Variants in EPHA7 observed in about 807,000 individuals in gnomAD.
EPHA7 encodes the protein EPH receptor A7.
Under a neutral mutation model 112.6 loss-of-function variants are expected in EPHA7, and 25 were observed. The ratio of observed to expected loss-of-function variants is 0.22; its 90% CI spans 0.16 to 0.31. The LOEUF is 0.31. EPHA7 is among the 10% of genes least tolerant of loss of function. EPHA7 has a pLI of 1.00. For missense variants in EPHA7, 962 were observed against 1,212.6 expected, an observed-to-expected ratio of 0.79 and a Z score of 3.07; for synonymous variants, 437 against 406.5, an observed-to-expected ratio of 1.07 and a Z score of -0.90.
Position 93,243,359 on chromosome 6 carries a change from G to T in EPHA7, c.*67C>A. ...CACTTGTCTTCTAGCAGCATTCTAT[G>T]CATATACTGAAGGCCAGTACTGTTC... On this transcript the variant is annotated 3_prime_UTR_variant, in exon 17 of 17. Coordinates refer to ENST00000369303, the MANE Select transcript of EPHA7 (RefSeq NM_004440.4). The T allele has an allele frequency of 8.6e-7, 1 of 1,169,588 alleles. No individual in the cohort carries two copies. Among genetic ancestry groups the T allele is most frequent in the Non-Finnish European group, 1.3e-6 (1 of 784,264 alleles). 72.5% of individuals were successfully genotyped at this position (1,169,588 alleles called of 1,614,324 possible).
intron 14 of EPHA7, 57 bp from the exon 15 acceptor site, chr6:93,247,042 C>T (rs1056681731): frequency 7.0e-7 from 1 of 1,425,666 alleles, no homozygotes; most frequent in Non-Finnish European, 9.5e-7. Context: ...TATAATAAAC[C>T]AAATTTCCTG....
Position 93,351,538 on chromosome 6 carries a change from G to C in EPHA7, c.1324+5179C>G, listed in dbSNP as rs192519283. ...GTTATCACTCTCATTAAGAACTGTA[G>C]TATATGTACAGTATCACTCACCTAT... On this transcript the variant is annotated intron_variant, in intron 5 of 16. Coordinates refer to ENST00000369303, the MANE Select transcript of EPHA7 (RefSeq NM_004440.4). Among the ~76,000 whole-genome samples, 5 of 152,028 alleles carry C rather than the reference G, an allele frequency of 3.3e-5. No homozygotes were observed. In the East Asian group the frequency reaches 9.7e-4, roughly 29 times the overall value.
At chr6:93,290,521 C>T (rs1349099714) in intron 5 of EPHA7, among the ~76,000 whole-genome samples, 1 of 151,928 alleles carries the variant, frequency 6.6e-6, no homozygotes, top group African/African-American at 2.4e-5. Flanking sequence ...TTCAGAGAGA[C>T]TGGAATTAGT....
chr6:93,302,513 T>C (rs1773038857), intron 5 of EPHA7, among the ~76,000 whole-genome samples: 1 of 152,176 alleles, frequency 6.6e-6, no homozygotes, highest in Non-Finnish European at 1.5e-5. Flanking sequence ...TCACTCCCTC[T>C]GGTACCTGGA....
chr6:93,375,476 A>T (rs1777010123), intron 3 of EPHA7, among the ~76,000 whole-genome samples: 1 of 151,744 alleles, frequency 6.6e-6, no homozygotes, highest in Non-Finnish European at 1.5e-5. Flanking sequence ...TAAAAAAAAT[A>T]GTGAGATGGC....
Position 93,255,937 on chromosome 6 carries a change from T to A in EPHA7, c.2273A>T (p.Asp758Val). ...YLADMGYVHR[D>V]LAARNILVNS... is the part of the protein sequence containing the mutation. Reference sequence around the variant, plus strand: ...GACAAGAATATTGCGAGCTGCAAGGTCCCTGTGAACATATCCCATATCAGC... The same window carrying A: ...GACAAGAATATTGCGAGCTGCAAGGACCCTGTGAACATATCCCATATCAGC... The change falls in exon 13 of 17, where the codon GAC becomes GTC. Residue 758 changes from aspartate to valine, a missense_variant. Asp to Val is a radical substitution (Grantham distance 152). Transcript: ENST00000369303. The A allele has an allele frequency of 1.9e-6, 3 of 1,614,034 alleles. No homozygotes were observed. In the South Asian group the frequency reaches 3.3e-5, roughly 18 times the overall value.
At chr6:93,395,686 A>C (rs929096260) in intron 3 of EPHA7, among the ~76,000 whole-genome samples, 1 of 151,624 alleles carries the variant, frequency 6.6e-6, no homozygotes, top group African/African-American at 2.4e-5. Context: ...TTCATTTGCT[A>C]TGCATAAGGT....
chr6:93,387,543 C>T (rs1472301128), intron 3 of EPHA7, among the ~76,000 whole-genome samples: 1 of 152,058 alleles, frequency 6.6e-6, no homozygotes, highest in Non-Finnish European at 1.5e-5. Context: ...CTACCTGATA[C>T]CAACTGACTG....
chr6:93,372,454 T>C (rs1410807891), intron 3 of EPHA7, among the ~76,000 whole-genome samples: 2 of 152,118 alleles, frequency 1.3e-5, no homozygotes, highest in African/African-American at 4.8e-5. Context: ...AATCTTCTCA[T>C]GCTACAGATG....
chr6:93,266,439 A>G (rs531931183), intron 7 of EPHA7, among the ~76,000 whole-genome samples: 11 of 151,822 alleles, frequency 7.2e-5, no homozygotes, highest in Non-Finnish European at 1.3e-4. Context: ...ATTTATTTAT[A>G]CATTTTTGTA....
chr6:93,342,211 G>A (rs1775172861), intron 5 of EPHA7, among the ~76,000 whole-genome samples: 1 of 151,888 alleles, frequency 6.6e-6, no homozygotes, highest in Non-Finnish European at 1.5e-5. Context: ...AGGTTAACTT[G>A]AAGCAAGTCT....
chr6:93,314,582 T>C (rs1474080371), intron 5 of EPHA7, among the ~76,000 whole-genome samples: 12 of 152,148 alleles, frequency 7.9e-5, no homozygotes, highest in Admixed American at 7.2e-4. Flanking sequence ...AGACAGGACC[T>C]ACAACGATGA....
chr6:93,390,266 T>C (rs1370003909), intron 3 of EPHA7, among the ~76,000 whole-genome samples: 1 of 151,158 alleles, frequency 6.6e-6, no homozygotes, highest in African/African-American at 2.4e-5. Context: ...AATGAAAGTT[T>C]CAAATTACAA....
At chr6:93,259,621 T>TGAAGTAGTCTGTTAA in intron 9 of EPHA7, 142 bp from the exon 10 acceptor site, 3 of 919,588 alleles carry the variant, frequency 3.3e-6, no homozygotes, top group Non-Finnish European at 5.0e-6. Context: ...TTTAACAGAC[T>TGAAGTAGTCTGTTAA]ACTTCAGTCT....
chr6:93,375,562 G>C (rs944251248), intron 3 of EPHA7, among the ~76,000 whole-genome samples: 4 of 151,116 alleles, frequency 2.6e-5, no homozygotes, highest in Non-Finnish European at 5.9e-5. Context: ...AAGTTACAGT[G>C]AGCCTAGCAG....
intron 3 of EPHA7, among the ~76,000 whole-genome samples, chr6:93,404,538 T>C (rs1036471078): frequency 6.6e-6 from 1 of 151,402 alleles, no homozygotes; most frequent in Non-Finnish European, 1.5e-5. Flanking sequence ...TTTCCTTACA[T>C]TGTTTTTATT....
chr6:93,257,317 G>T, intron 12 of EPHA7, 145 bp downstream of exon 12: 1 of 576,102 alleles, frequency 1.7e-6, no homozygotes, highest in Non-Finnish European at 3.0e-6. Flanking sequence ...CTTGAACTCT[G>T]ATTATTAATC....
At chr6:93,300,785 C>CATGCATTCCTTAACGATGGGA (rs1416851300) in intron 5 of EPHA7, among the ~76,000 whole-genome samples, 1 of 152,148 alleles carries the variant, frequency 6.6e-6, no homozygotes. Flanking sequence ...AATATACAGT[C>CATGCATTCCTTAACGATGGGA]ATGCATTCCT....
At chr6:93,327,554 G>A (rs1399449849) in intron 5 of EPHA7, among the ~76,000 whole-genome samples, 1 of 151,388 alleles carries the variant, frequency 6.6e-6, no homozygotes, top group Non-Finnish European at 1.5e-5. Context: ...CTTCAAACCT[G>A]TCTCTCCCAC....
Sources: gnomAD v4.1 joint callset for allele counts (sites outside exome capture counted in the v4.1 genomes callset) on GRCh38, gnomAD v4.1.1 for gene constraint, MANE v1.5 for transcripts, NCBI Gene and HGNC (gene_info 2026-07-23, HGNC 2026-07-21) for gene names.